Variants in CLASP1 observed in about 807,000 individuals in gnomAD.
CLASP1 encodes the protein cytoplasmic linker associated protein 1.
CLASP1 carries 38 observed loss-of-function variants against 192.3 expected under a neutral mutation model. The observed-to-expected ratio is 0.20, with a 90% CI of 0.15 to 0.26. CLASP1 has a LOEUF of 0.26. CLASP1 is among the 10% of genes least tolerant of loss of function. The probability of loss-of-function intolerance (pLI) is 1.00; values close to 1 mark genes in which losing one functional copy is unlikely to be tolerated. For missense variants in CLASP1, 1,433 were observed against 1,932.5 expected (o/e 0.74, Z 4.85); for synonymous variants, 691 against 712.8 (o/e 0.97, Z 0.49).
chr2:121,349,733 C>A lies in CLASP1; in HGVS notation c.4207-1015G>T, dbSNP rs76909701. On this transcript the variant is annotated intron_variant, in intron 37 of 39. Transcript: ENST00000263710. ...TTTGCCTTCCATTTTTAGGGAGGTA[C>A]ATGAAATGGCCATCTCATGGTCAAA... Among the ~76,000 whole-genome samples the A allele has an allele frequency of 1.2e-3, 179 of 152,290 alleles. 2 individuals carry two copies. The East Asian group carries it at 0.033, about 28-fold the overall frequency.
intron 1 of CLASP1, among the ~76,000 whole-genome samples, chr2:121,631,287 C>CATTTT (rs2069596622): frequency 7.8e-6 from 1 of 127,596 alleles, no homozygotes; most frequent in Non-Finnish European, 1.7e-5. Flanking sequence ...TTTAAAATTA[C>CATTTT]TTTTTTTTTT....
intron 8 of CLASP1, among the ~76,000 whole-genome samples, chr2:121,478,665 CCACACACACCA>C (rs2091999358): frequency 4.2e-5 from 4 of 95,540 alleles, no homozygotes; most frequent in South Asian, 3.5e-4. Flanking sequence ...CACACACCCC[CCACACACACCA>C]CACACACACC....
chr2:121,604,419 G>A (rs1319389635), intron 2 of CLASP1, among the ~76,000 whole-genome samples: 4 of 152,150 alleles, frequency 2.6e-5, no homozygotes, highest in South Asian at 2.1e-4. Context: ...CTGTAATCCC[G>A]GCATTTTGGG....
At chr2:121,356,025 A>G (rs545426559) in intron 37 of CLASP1, among the ~76,000 whole-genome samples, 1 of 152,330 alleles carries the variant, frequency 6.6e-6, no homozygotes, top group South Asian at 2.1e-4. Context: ...ATACTGGTGA[A>G]TGTTTGCTTA....
intron 2 of CLASP1, among the ~76,000 whole-genome samples, chr2:121,539,296 A>G (rs930237595): frequency 6.6e-6 from 1 of 152,248 alleles, no homozygotes; most frequent in Non-Finnish European, 1.5e-5. Context: ...ACAATGTGCT[A>G]TCAGTTGATG....
chr2:121,483,438 G>C (rs2092741917), intron 8 of CLASP1, among the ~76,000 whole-genome samples: 1 of 152,020 alleles, frequency 6.6e-6, no homozygotes, highest in South Asian at 2.1e-4. Flanking sequence ...GAGAGAAAGA[G>C]GGAGAATATG....
At chr2:121,617,254 ACTC>A (rs1257280257) in intron 1 of CLASP1, among the ~76,000 whole-genome samples, 6 of 148,264 alleles carry the variant, frequency 4.0e-5, no homozygotes, top group African/African-American at 1.0e-4. Flanking sequence ...GATGACAACA[ACTC>A]CTCCTTTCTG....
chr2:121,623,860 G>GAGACC (rs1486687789), intron 1 of CLASP1, among the ~76,000 whole-genome samples: 1 of 152,146 alleles, frequency 6.6e-6, no homozygotes, highest in African/African-American at 2.4e-5. Context: ...ACAAACAAAA[G>GAGACC]AGACCTTCTA....
intron 6 of CLASP1, among the ~76,000 whole-genome samples, chr2:121,522,645 G>A (rs748443185): frequency 2.0e-5 from 3 of 151,722 alleles, no homozygotes; most frequent in Admixed American, 6.6e-5. Context: ...TTTGTTTTTC[G>A]GTTGTATTAT....
At chr2:121,341,729 A>T (rs1445914398) in intron 39 of CLASP1, among the ~76,000 whole-genome samples, 1 of 152,252 alleles carries the variant, frequency 6.6e-6, no homozygotes, top group Non-Finnish European at 1.5e-5. Flanking sequence ...AAAGAACCAG[A>T]CAGATGATAA....
intron 8 of CLASP1, chr2:121,470,658 GTTT>G (rs2090548859): frequency 2.2e-6 from 1 of 448,598 alleles, no homozygotes; most frequent in Admixed American, 2.5e-5. Flanking sequence ...ACTTTTTTTT[GTTT>G]GTTTGAATTT....
rs1006448343 is a variant in CLASP1, at chr2:121,566,714, A to C, written c.196-36389T>G. Among the ~76,000 whole-genome samples, 3 of 152,204 alleles carry C rather than the reference A, an allele frequency of 2.0e-5. No homozygotes were observed. In the South Asian group the frequency reaches 6.2e-4, roughly 31 times the overall value. On this transcript the variant is annotated intron_variant, in intron 2 of 39. Coordinates refer to ENST00000263710, the Ensembl canonical transcript of CLASP1. ...CTACCTACCAATGCCAAATGCTCAA[A>C]CTAGTACCCAACTAGTTCCCCTAAC...
At chr2:121,487,285 A>C (rs1300905800) in intron 8 of CLASP1, among the ~76,000 whole-genome samples, 1 of 151,928 alleles carries the variant, frequency 6.6e-6, no homozygotes, top group East Asian at 1.9e-4. Flanking sequence ...TGTATTACCA[A>C]ATAGTATCCT....
At chr2:121,580,061 A>C (rs2060958392) in intron 2 of CLASP1, among the ~76,000 whole-genome samples, 1 of 152,196 alleles carries the variant, frequency 6.6e-6, no homozygotes, top group African/African-American at 2.4e-5. Flanking sequence ...AGTGGGACTG[A>C]TGCAGTGGAA....
intron 2 of CLASP1, among the ~76,000 whole-genome samples, chr2:121,586,111 C>T (rs1039427466): frequency 2.0e-5 from 3 of 152,020 alleles, no homozygotes; most frequent in Non-Finnish European, 4.4e-5. Flanking sequence ...TGTACTTTGA[C>T]GTTTTTGAGG....
chr2:121,432,699 T>C (rs532962037), intron 19 of CLASP1, among the ~76,000 whole-genome samples: 37 of 152,118 alleles, frequency 2.4e-4, no homozygotes, highest in Non-Finnish European at 4.9e-4. Flanking sequence ...TATAGACTTA[T>C]TTAAAGTTGC....
chr2:121,630,372 T>C (rs1187434601), intron 1 of CLASP1, among the ~76,000 whole-genome samples: 1 of 135,444 alleles, frequency 7.4e-6, no homozygotes, highest in South Asian at 2.3e-4. Context: ...GATCACCATA[T>C]TGGAAAGAAA....
intron 37 of CLASP1, among the ~76,000 whole-genome samples, chr2:121,352,538 T>C (rs928455616): frequency 4.6e-5 from 7 of 152,226 alleles, no homozygotes; most frequent in Admixed American, 1.3e-4. Flanking sequence ...CAGAGTTAGA[T>C]GAGCATATTC....
chr2:121,395,485 G>A (rs2075126074), intron 30 of CLASP1, among the ~76,000 whole-genome samples: 1 of 152,178 alleles, frequency 6.6e-6, no homozygotes, highest in Admixed American at 6.5e-5. Flanking sequence ...CATGCAGGGT[G>A]AGCAAAACAG....
Sources: allele counts gnomAD v4.1 joint callset (sites outside exome capture counted in the v4.1 genomes callset), GRCh38; gene constraint gnomAD v4.1.1; transcripts MANE v1.5; gene names NCBI Gene and HGNC (gene_info 2026-07-23, HGNC 2026-07-21).